The following ERC1 variants were observed in gnomAD, a reference collection of about 807,000 sequenced individuals.
The protein encoded by ERC1 is RAB6 interacting protein 2.
ERC1 carries 56 observed loss-of-function variants against 132.0 expected under a neutral mutation model. The observed-to-expected ratio is 0.42, with a 90% CI of 0.34 to 0.53. The LOEUF (loss-of-function observed/expected upper bound fraction) is 0.53. Ranked by LOEUF, ERC1 falls within the 20% of genes least tolerant of loss-of-function variation. The probability of loss-of-function intolerance (pLI) is 0.03; values close to 1 mark genes in which losing one functional copy is unlikely to be tolerated. For synonymous variants in ERC1, 478 were observed against 476.1 expected, an observed-to-expected ratio of 1.00 and a Z score of -0.05; for missense variants, 1,202 against 1,349.9, an observed-to-expected ratio of 0.89 and a Z score of 1.72.
At chr12:1,031,582 T>A (rs930419727) in intron 2 of ERC1, among the ~76,000 whole-genome samples, 2 of 152,242 alleles carry the variant, frequency 1.3e-5, no homozygotes, top group Non-Finnish European at 1.5e-5. Context: ...AATTTTATTC[T>A]TTCTCAGATA....
upstream of ERC1, chr12:990,952 A>AAT (rs1555185836): frequency 6.7e-6 from 1 of 150,032 alleles, no homozygotes; most frequent in African/African-American, 2.5e-5. Context: ...TGTGTGTGTG[A>AAT]GTGTGTGTGT....
chr12:1,229,185 C>A (rs559197574), intron 12 of ERC1, among the ~76,000 whole-genome samples: 36 of 152,262 alleles, frequency 2.4e-4, no homozygotes, highest in African/African-American at 8.7e-4. Context: ...CTTTAGTCTT[C>A]TTTCTTGTTA....
chr12:998,976 T>C (rs1354366812), intron 1 of ERC1, among the ~76,000 whole-genome samples: 3 of 151,504 alleles, frequency 2.0e-5, no homozygotes, highest in Non-Finnish European at 2.9e-5. Context: ...TCTCCTGCCT[T>C]AGCCTCTTGA....
intron 1 of ERC1, among the ~76,000 whole-genome samples, chr12:1,006,028 G>C (rs1477771924): frequency 6.6e-6 from 1 of 151,062 alleles, no homozygotes; most frequent in Non-Finnish European, 1.5e-5. Context: ...CATGATCTTG[G>C]CTCACTGCAA....
At chr12:995,267 TAATA>T (rs1224546390) in intron 1 of ERC1, among the ~76,000 whole-genome samples, 2 of 151,928 alleles carry the variant, frequency 1.3e-5, no homozygotes, top group African/African-American at 4.8e-5. Flanking sequence ...CTCAAATAAA[TAATA>T]AATAAATAAA....
chr12:1,145,055 C>T lies in ERC1; in HGVS notation c.1737+3268C>T, dbSNP rs918177629. On this transcript the variant is annotated intron_variant, in intron 8 of 18. Coordinates refer to ENST00000360905, the MANE Select transcript of ERC1 (RefSeq NM_178040.4). ...TTTTTGAGATGGAATCTTGTTCTGC[C>T]GCCCAGGCTGGAGTGAAGTGGTGCA... 4.7e-4 allele frequency among the ~76,000 whole-genome samples: 71 copies of T among 151,792 alleles called. 2 individuals are homozygous for T. The highest frequency in any genetic ancestry group is 4.4e-3 in the Admixed American group (67 of 15,236).
chr12:1,281,643 C>T (rs1279849000), intron 14 of ERC1, among the ~76,000 whole-genome samples: 1 of 152,162 alleles, frequency 6.6e-6, no homozygotes, highest in Non-Finnish European at 1.5e-5. Context: ...GATTCCATTA[C>T]AATCTGTTGC....
intron 16 of ERC1, among the ~76,000 whole-genome samples, chr12:1,372,672 G>A (rs1057353025): frequency 1.3e-5 from 2 of 152,190 alleles, no homozygotes; most frequent in African/African-American, 2.4e-5. Flanking sequence ...CTGCTTGAAC[G>A]GCAGTGCTCC....
At chr12:1,467,941 A>G (rs965363192) in intron 18 of ERC1, among the ~76,000 whole-genome samples, 1 of 152,232 alleles carries the variant, frequency 6.6e-6, no homozygotes, top group African/African-American at 2.4e-5. Flanking sequence ...GCAGTAATGC[A>G]CGCAATGGAG....
At position 1,408,211 on chromosome 12, in the gene ERC1, T is replaced by C; in HGVS notation, c.2988T>C (p.His996=). The part of the protein sequence containing the change: ...NYEDDHFKSS[H]SNQTNHKPSP... Reference sequence around the variant, plus strand: ...AGGATGACCACTTCAAATCCTCCCATTCCAATCAAACAAATCACAAGCCCT... The same window carrying C: ...AGGATGACCACTTCAAATCCTCCCACTCCAATCAAACAAATCACAAGCCCT... Residue 996 remains histidine (H), a synonymous_variant, in exon 17 of 19, where the codon CAT becomes CAC. Transcript: ENST00000360905. 1 of 1,613,894 alleles carries C rather than the reference T, an allele frequency of 6.2e-7. No homozygotes were observed. Among genetic ancestry groups the C allele is most frequent in the East Asian group, 2.2e-5 (1 of 44,882 alleles).
chr12:1,407,926 T>C (rs1336397599), intron 16 of ERC1, among the ~76,000 whole-genome samples: 1 of 152,136 alleles, frequency 6.6e-6, no homozygotes, highest in Non-Finnish European at 1.5e-5. Context: ...TATGGTAACG[T>C]TGGGGTTTAG....
At chr12:1,132,273 TAGTC>T (rs1948838180) in intron 7 of ERC1, among the ~76,000 whole-genome samples, 1 of 151,370 alleles carries the variant, frequency 6.6e-6, no homozygotes, top group Non-Finnish European at 1.5e-5. Flanking sequence ...ATTGAATACT[TAGTC>T]AATAAAAGAT....
intron 7 of ERC1, among the ~76,000 whole-genome samples, chr12:1,137,024 A>T (rs140767599): frequency 6.6e-6 from 1 of 150,604 alleles, no homozygotes; most frequent in East Asian, 1.9e-4. Flanking sequence ...CTTTGATGTC[A>T]TATCTAGTCT....
chr12:1,351,762 C>T lies in ERC1; in HGVS notation c.2781-20071C>T, dbSNP rs554777834. ...TTAATACATGCAGTGTATCATAAGGCCCATTTTTTAATCAGATCATTTATT... is the reference window on the plus strand; with the variant it reads ...TTAATACATGCAGTGTATCATAAGGTCCATTTTTTAATCAGATCATTTATT... On this transcript the variant is annotated intron_variant, in intron 15 of 18. Coordinates refer to ENST00000360905, the MANE Select transcript of ERC1 (RefSeq NM_178040.4). Among the ~76,000 whole-genome samples the T allele has an allele frequency of 2.6e-5, 4 of 151,890 alleles. No individual in the cohort carries two copies. In the South Asian group the frequency reaches 8.3e-4, roughly 32 times the overall value.
At chr12:1,296,601 C>T (rs1270652493) in intron 15 of ERC1, among the ~76,000 whole-genome samples, 2 of 151,654 alleles carry the variant, frequency 1.3e-5, no homozygotes, top group African/African-American at 2.4e-5. Context: ...TTAGTAGAGG[C>T]GAGGTTTTTC....
intron 12 of ERC1, among the ~76,000 whole-genome samples, chr12:1,202,953 A>G (rs369972640): frequency 1.2e-4 from 18 of 152,336 alleles, no homozygotes; most frequent in Admixed American, 3.3e-4. Flanking sequence ...CATTGTCTGC[A>G]TTTTACACAG....
intron 14 of ERC1, among the ~76,000 whole-genome samples, chr12:1,277,191 G>A (rs986774309): frequency 5.3e-5 from 8 of 152,224 alleles, no homozygotes; most frequent in African/African-American, 1.4e-4. Context: ...CTCTTAGCTA[G>A]TGGGAACTAG....
chr12:1,151,352 G>A (rs1202801079), intron 8 of ERC1, among the ~76,000 whole-genome samples: 1 of 152,160 alleles, frequency 6.6e-6, no homozygotes, highest in Non-Finnish European at 1.5e-5. Flanking sequence ...AATTCTATTT[G>A]TCTTCTTTGC....
intron 18 of ERC1, among the ~76,000 whole-genome samples, chr12:1,457,111 G>A (rs192616572): frequency 6.6e-5 from 10 of 152,218 alleles, no homozygotes; most frequent in South Asian, 6.2e-4. Context: ...CCTACAGTAC[G>A]TAGTACAGTC....
Sources: allele counts gnomAD v4.1 joint callset (sites outside exome capture counted in the v4.1 genomes callset), GRCh38; gene constraint gnomAD v4.1.1; transcripts MANE v1.5; gene names NCBI Gene and HGNC (gene_info 2026-07-23, HGNC 2026-07-21).